Variants in KLHL29 observed in about 807,000 individuals in gnomAD.
KLHL29 encodes the protein kelch-like protein 29.
In KLHL29, 21 loss-of-function variants were observed where a neutral mutation model predicts 80.4. The observed-to-expected ratio is 0.26, with a 90% CI of 0.19 to 0.38. KLHL29 has a LOEUF of 0.38. Ranked by LOEUF, KLHL29 falls within the 10% of genes least tolerant of loss-of-function variation. The probability of loss-of-function intolerance (pLI) is 1.00; values close to 1 mark genes in which losing one functional copy is unlikely to be tolerated. For synonymous variants in KLHL29, 511 were observed against 526.8 expected (o/e 0.97, Z 0.41); for missense variants, 867 against 1,223.9 (o/e 0.71, Z 4.35).
rs557823028 is a variant in KLHL29 at position 23,673,734 on chromosome 2, C to A, written c.941-10665C>A. ...ACACACACCCCTACACAGGCACATA[C>A]ACAGGGGTGCATGCACACACCCACA... On this transcript the variant is annotated intron_variant, in intron 5 of 13. Transcript: ENST00000486442. Among the ~76,000 whole-genome samples, 352 of 143,472 alleles carry A rather than the reference C, an allele frequency of 2.5e-3. 1 individual carries two copies. Among genetic ancestry groups the A allele is most frequent in the Non-Finnish European group, 4.3e-3 (270 of 63,280 alleles). 94.1% of individuals were successfully genotyped at this position (143,472 alleles called of 152,430 possible).
chr2:23,409,586 T>C (rs1184868795), intron 1 of KLHL29, among the ~76,000 whole-genome samples: 1 of 152,216 alleles, frequency 6.6e-6, no homozygotes, highest in African/African-American at 2.4e-5. Flanking sequence ...GTTGTAACTA[T>C]CTCCTATGAA....
In KLHL29 at chr2:23,706,889, A is replaced by G; in HGVS notation, c.*225A>G. The G allele has an allele frequency of 2.1e-6, 1 of 466,162 alleles. No individual in the cohort carries two copies. The highest frequency in any genetic ancestry group is 3.7e-6 in the Non-Finnish European group (1 of 266,766). The allele number at this position is 466,162 out of a possible 1,614,324, so 28.9% of individuals were successfully genotyped here. On this transcript the variant is annotated 3_prime_UTR_variant, in exon 14 of 14. Coordinates refer to ENST00000486442, the MANE Select transcript of KLHL29 (RefSeq NM_052920.2). ...GAGCCGCAGGAACCACGATCCCGCC[A>G]TGGGGCTGGCTGCCTCCTGAACAGG...
intron 1 of KLHL29, among the ~76,000 whole-genome samples, chr2:23,412,354 C>T (rs1666886198): frequency 6.6e-6 from 1 of 152,152 alleles, no homozygotes; most frequent in Non-Finnish European, 1.5e-5. Context: ...ATTGCTTGAC[C>T]AAGCCCTCAC....
chr2:23,618,756 C>G (rs1195921626), intron 3 of KLHL29, among the ~76,000 whole-genome samples: 11 of 152,184 alleles, frequency 7.2e-5, no homozygotes, highest in Admixed American at 7.2e-4. Context: ...AGAACCCTGG[C>G]TGATATAGAA....
At chr2:23,553,034 A>AT (rs1429696507) in intron 2 of KLHL29, among the ~76,000 whole-genome samples, 3 of 152,172 alleles carry the variant, frequency 2.0e-5, no homozygotes, top group African/African-American at 7.2e-5. Context: ...TGCTGGGATT[A>AT]TAGGCATGAG....
chr2:23,612,829 G>T (rs1242316847), intron 3 of KLHL29, among the ~76,000 whole-genome samples: 1 of 151,956 alleles, frequency 6.6e-6, no homozygotes, highest in Non-Finnish European at 1.5e-5. Flanking sequence ...TCAAAGCAAA[G>T]GTTAGAGTTT....
chr2:23,478,758 G>A (rs1664704560), intron 2 of KLHL29, among the ~76,000 whole-genome samples: 2 of 152,134 alleles, frequency 1.3e-5, no homozygotes, highest in African/African-American at 2.4e-5. Context: ...CATTGAGGCC[G>A]TCTCAGTACT....
At position 23,684,662 on chromosome 2, in the gene KLHL29, TCTCCTCCTC is replaced by T. The variant is rs66787697; in HGVS notation, c.1079+142_1079+150del. 19 of 553,806 alleles carry T rather than the reference TCTCCTCCTC, an allele frequency of 3.4e-5. No individual in the cohort carries two copies. The highest frequency in any genetic ancestry group is 4.3e-5 in the Non-Finnish European group (14 of 323,628). The allele number at this position is 553,806 out of a possible 1,614,324, so 34.3% of individuals were successfully genotyped here. ...CCCTGTCACAGAGCCAGTAGCCATC[TCTCCTCCTC>T]CTCCTCCTCCTCCTCCCCAGTACCC... On this transcript the variant is annotated intron_variant, in intron 6 of 13. Transcript: ENST00000486442. This position sits in a 1 kb window ranked among gnomAD's most constrained non-coding sequence, Gnocchi z 4.4.
chr2:23,435,262 T>C (rs762487652), intron 1 of KLHL29, among the ~76,000 whole-genome samples: 15 of 152,062 alleles, frequency 9.9e-5, no homozygotes, highest in East Asian at 1.9e-4. Context: ...TTTTAGATGA[T>C]TGTGAAGGCC....
At chr2:23,532,558 C>T (rs1466041482) in intron 2 of KLHL29, 1 of 456,760 alleles carries the variant, frequency 2.2e-6, no homozygotes. Flanking sequence ...TAAAATCTCA[C>T]TTTCACTTTC....
chr2:23,706,376 G>A lies in KLHL29; in HGVS notation c.2445-105G>A, dbSNP rs1225169667. 22 of 892,042 alleles carry A rather than the reference G, an allele frequency of 2.5e-5. No individual in the cohort carries two copies. In the Middle Eastern group the frequency reaches 8.8e-4, roughly 36 times the overall value. The allele number at this position is 892,042 out of a possible 1,614,324, so 55.3% of individuals were successfully genotyped here. On this transcript the variant is annotated intron_variant, in intron 13 of 13. Transcript: ENST00000486442. ...GGCAGCAAGATCCCAGATGCCTTCT[G>A]CAAAAGGCACAGGCAGCCTACAACA...
At chr2:23,436,556 G>C (rs912407256) in intron 1 of KLHL29, among the ~76,000 whole-genome samples, 1 of 152,114 alleles carries the variant, frequency 6.6e-6, no homozygotes, top group Non-Finnish European at 1.5e-5. Context: ...TGAGTCACAG[G>C]TGTGGATCTG....
chr2:23,578,600 T>C (rs930583163), intron 3 of KLHL29, among the ~76,000 whole-genome samples: 1 of 152,168 alleles, frequency 6.6e-6, no homozygotes, highest in Non-Finnish European at 1.5e-5. Flanking sequence ...AGAATGAAGG[T>C]CCTTGAGACA....
intron 2 of KLHL29, among the ~76,000 whole-genome samples, chr2:23,495,376 G>A (rs2103450888): frequency 6.6e-6 from 1 of 152,266 alleles, no homozygotes; most frequent in Middle Eastern, 3.4e-3. Context: ...GCCCCTACCT[G>A]GCTCTGGGAC....
intron 3 of KLHL29, among the ~76,000 whole-genome samples, chr2:23,638,516 G>A (rs1433523590): frequency 1.3e-5 from 2 of 152,162 alleles, no homozygotes; most frequent in Non-Finnish European, 2.9e-5. Context: ...CATCCACCTA[G>A]GAGCAGTATC....
rs1354692762 is a variant in KLHL29, at chr2:23,703,216, G to A, written c.2136G>A (p.Ala712=). The A allele has an allele frequency of 1.6e-5, 24 of 1,470,470 alleles. No homozygotes were observed. Among genetic ancestry groups the A allele is most frequent in the African/African-American group, 8.7e-5 (6 of 69,250 alleles). 91.1% of individuals were successfully genotyped at this position (1,470,470 alleles called of 1,614,324 possible). A position where few individuals can be genotyped will look rare whatever the true frequency, so the allele number is the denominator to read the frequency against. The change falls in exon 12 of 14, where the codon GCG becomes GCA. Residue 712 remains alanine (A), a synonymous_variant. Transcript: ENST00000486442. The part of the protein sequence containing the change: ...RYDTITNQWE[A]VAPLPKAVHS... ...ACACCATCACCAACCAATGGGAGGC[G>A]GTGGCCCCTCTGCCCAAGGCAGTAC...
At chr2:23,672,066 C>T (rs1670779975) in intron 5 of KLHL29, 1 of 152,306 alleles carries the variant, frequency 6.6e-6, no homozygotes, top group Non-Finnish European at 1.5e-5. Context: ...AGAGCCTGCC[C>T]AGGCCCTGGG....
intron 1 of KLHL29, among the ~76,000 whole-genome samples, chr2:23,431,894 T>C (rs1424142853): frequency 3.2e-5 from 3 of 92,868 alleles, no homozygotes; most frequent in Non-Finnish European, 3.8e-5. Context: ...AGAGTGAGAC[T>C]CCATCTCAAA....
At chr2:23,578,194 G>A (rs888880238) in intron 3 of KLHL29, among the ~76,000 whole-genome samples, 19 of 152,162 alleles carry the variant, frequency 1.2e-4, no homozygotes, top group Admixed American at 5.9e-4. Flanking sequence ...AGGTGAAACC[G>A]TCAGTCGCTT....
Sources: allele counts gnomAD v4.1 joint callset (sites outside exome capture counted in the v4.1 genomes callset), GRCh38; gene constraint gnomAD v4.1.1; non-coding constraint Gnocchi (gnomAD v3.1); transcripts MANE v1.5; gene names NCBI Gene and HGNC (gene_info 2026-07-23, HGNC 2026-07-21).